Variants in GRAMD1B observed in about 807,000 individuals in gnomAD.
GRAMD1B encodes GRAM domain containing 1B, also known as protein Aster-B.
GRAMD1B carries 37 observed loss-of-function variants against 99.7 expected under a neutral mutation model. That is an observed-to-expected ratio of 0.37 (90% CI 0.29 to 0.49). GRAMD1B has a LOEUF of 0.49. Ranked by LOEUF, GRAMD1B falls within the 20% of genes least tolerant of loss-of-function variation. The pLI, the probability that GRAMD1B is intolerant of heterozygous loss-of-function variation, is 0.98. For synonymous variants in GRAMD1B, 427 were observed against 387.6 expected (o/e 1.10, Z -1.19); for missense variants, 888 against 1,009.2 (o/e 0.88, Z 1.63).
At chr11:123,423,736 TAA>T (rs1316847771) in intron 1 of GRAMD1B, among the ~76,000 whole-genome samples, 2 of 152,230 alleles carry the variant, frequency 1.3e-5, no homozygotes, top group African/African-American at 4.8e-5. Flanking sequence ...TTAAAAAGTA[TAA>T]GTTTTAAAGC....
chr11:123,478,646 A>T (rs1951426078), intron 1 of GRAMD1B, among the ~76,000 whole-genome samples: 1 of 152,142 alleles, frequency 6.6e-6, no homozygotes, highest in African/African-American at 2.4e-5. Context: ...ATCCTGGTAG[A>T]TGGCCTTGAG....
chr11:123,436,084 A>C (rs892564610), intron 1 of GRAMD1B, among the ~76,000 whole-genome samples: 2 of 151,938 alleles, frequency 1.3e-5, no homozygotes, highest in African/African-American at 4.8e-5. Flanking sequence ...CTGGGATTAC[A>C]GAAGCTCGCC....
rs11219208 is a variant in GRAMD1B at position 123,610,850 on chromosome 11, C to G, written c.1919+512C>G. Among the ~76,000 whole-genome samples, 37,896 of 152,138 alleles carry G rather than the reference C, an allele frequency of 0.25. 5,425 individuals are homozygous for G. Among genetic ancestry groups the G allele is most frequent in the South Asian group, 0.43 (2,045 of 4,802 alleles). On this transcript the variant is annotated intron_variant, in intron 14 of 19. Coordinates refer to ENST00000635736, the MANE Select transcript of GRAMD1B (RefSeq NM_001387025.1). The surrounding 1 kb of genome is among the most constrained non-coding windows in gnomAD (Gnocchi z 4.1). ...TTCCATTCCACTTACACTTTATTCC[C>G]AGCACCCAGCTGGGCCTGCACGTAT...
intron 1 of GRAMD1B, among the ~76,000 whole-genome samples, chr11:123,416,406 T>C (rs956918909): frequency 6.6e-6 from 1 of 152,234 alleles, no homozygotes; most frequent in Non-Finnish European, 1.5e-5. Context: ...CCAAGAGTTC[T>C]ATTCATACTA....
rs548023549 is a variant in GRAMD1B, at chr11:123,404,234, G to A, written c.-176+45435G>A. Among the ~76,000 whole-genome samples the A allele has an allele frequency of 1.6e-4, 24 of 152,284 alleles. 1 individual carries two copies. The South Asian group carries it at 3.5e-3, about 22-fold the overall frequency. The stretch of plus-strand genomic sequence containing the variant: ...GATTGTCTCTCTTTTTGTGGCGTGA[G>A]CAGTGATTACTGTTCCATGTGTAGA... On this transcript the variant is annotated intron_variant, in intron 1 of 20. Transcript: ENST00000638157.
chr11:123,578,650 C>G (rs1181476062), intron 3 of GRAMD1B, among the ~76,000 whole-genome samples: 2 of 152,180 alleles, frequency 1.3e-5, no homozygotes, highest in African/African-American at 2.4e-5. Flanking sequence ...GACCCTCCCC[C>G]ACTCCCGACC....
rs1168885349 is a variant in GRAMD1B at position 123,608,834 on chromosome 11, C to T, written c.1657+32C>T. 5.9e-6 allele frequency: 8 copies of T among 1,347,026 alleles called. No individual in the cohort carries two copies. In the Admixed American group the frequency reaches 1.4e-4, roughly 24 times the overall value. 83.4% of individuals were successfully genotyped at this position (1,347,026 alleles called of 1,614,324 possible). A position where few individuals can be genotyped will look rare whatever the true frequency, so the allele number is the denominator to read the frequency against. On this transcript the variant is annotated intron_variant, in intron 12 of 19. Coordinates refer to ENST00000635736, the MANE Select transcript of GRAMD1B (RefSeq NM_001387025.1). ...TCTGCTGGGACTGTACCCCCCATTC[C>T]TCCCTCTTCATCCTCACTTCTTCCC...
chr11:123,496,927 A>G (rs753760487), intron 2 of GRAMD1B, among the ~76,000 whole-genome samples: 5 of 152,092 alleles, frequency 3.3e-5, no homozygotes, highest in Admixed American at 6.5e-5. Flanking sequence ...AAAGTCACAT[A>G]TCTCTGTTTC....
intron 1 of GRAMD1B, among the ~76,000 whole-genome samples, chr11:123,394,632 A>G (rs1457546044): frequency 6.6e-6 from 1 of 152,164 alleles, no homozygotes; most frequent in African/African-American, 2.4e-5. Context: ...TATGTTCATG[A>G]ACTTAGCATA....
intron 1 of GRAMD1B, among the ~76,000 whole-genome samples, chr11:123,425,236 C>T (rs762991890): frequency 6.6e-5 from 10 of 152,148 alleles, no homozygotes; most frequent in Admixed American, 2.0e-4. Flanking sequence ...AATCACTAGT[C>T]GGTAGTTAGT....
chr11:123,572,264 T>C (rs1023733857), intron 2 of GRAMD1B, among the ~76,000 whole-genome samples: 2 of 152,234 alleles, frequency 1.3e-5, no homozygotes, highest in Non-Finnish European at 2.9e-5. Context: ...CTTCCTTCCA[T>C]CCCTACAGCA....
intron 1 of GRAMD1B, among the ~76,000 whole-genome samples, chr11:123,448,088 C>T (rs1949719752): frequency 6.6e-6 from 1 of 152,086 alleles, no homozygotes; most frequent in Non-Finnish European, 1.5e-5. Context: ...AGGCTGGTCT[C>T]AAACTGCTGG....
intron 3 of GRAMD1B, 68 bp from the exon 4 acceptor site, chr11:123,584,244 T>C: frequency 6.0e-6 from 5 of 832,950 alleles, no homozygotes; most frequent in Admixed American, 2.1e-5. Context: ...TGTGTGCCCT[T>C]CCCCCTGGCC....
At chr11:123,577,798 G>A (rs1948894996) in intron 3 of GRAMD1B, among the ~76,000 whole-genome samples, 1 of 145,992 alleles carries the variant, frequency 6.8e-6, no homozygotes, top group Non-Finnish European at 1.5e-5. Context: ...GCGAGGTAGG[G>A]AGGCTCATAT....
intron 2 of GRAMD1B, among the ~76,000 whole-genome samples, chr11:123,576,207 G>A (rs533635363): frequency 6.6e-6 from 1 of 152,334 alleles, no homozygotes; most frequent in Admixed American, 6.5e-5. Context: ...TCATGCAAAT[G>A]ACAGTGTCCC....
At chr11:123,471,703 A>G (rs978769799) in intron 1 of GRAMD1B, among the ~76,000 whole-genome samples, 4 of 152,294 alleles carry the variant, frequency 2.6e-5, no homozygotes, top group Middle Eastern at 3.4e-3. Flanking sequence ...TGCACATTGC[A>G]ATAGATTAAT....
At chr11:123,414,428 G>A (rs535550470) in intron 1 of GRAMD1B, among the ~76,000 whole-genome samples, 8 of 152,146 alleles carry the variant, frequency 5.3e-5, no homozygotes, top group South Asian at 2.1e-4. Flanking sequence ...ACAGTGTTAC[G>A]TACTCTGCAC....
chr11:123,399,345 A>T (rs1947575794), intron 1 of GRAMD1B, among the ~76,000 whole-genome samples: 1 of 152,184 alleles, frequency 6.6e-6, no homozygotes, highest in Non-Finnish European at 1.5e-5. Flanking sequence ...TATTGTGAAT[A>T]GTGTTATTCA....
chr11:123,520,712 G>A (rs1947558727), intron 2 of GRAMD1B, among the ~76,000 whole-genome samples: 2 of 148,862 alleles, frequency 1.3e-5, no homozygotes, highest in Admixed American at 1.3e-4. Context: ...CCAGGAGGTG[G>A]AGGCTGCAGT....
Sources: allele counts gnomAD v4.1 joint callset (sites outside exome capture counted in the v4.1 genomes callset), GRCh38; gene constraint gnomAD v4.1.1; non-coding constraint Gnocchi (gnomAD v3.1); transcripts MANE v1.5; gene names NCBI Gene and HGNC (gene_info 2026-07-23, HGNC 2026-07-21).